Variants in NEDD4L observed in about 807,000 individuals in gnomAD.
NEDD4L encodes NEDD4 like E3 ubiquitin protein ligase.
A neutral mutation model predicts 148.9 loss-of-function variants in NEDD4L; 54 were observed. The observed-to-expected ratio is 0.36, with a 90% CI of 0.29 to 0.45. The LOEUF (loss-of-function observed/expected upper bound fraction) is 0.45, where lower values mean the gene tolerates loss of function less well. Among genes scored for constraint, NEDD4L ranks in the 20% least tolerant of loss-of-function variants. The pLI is 1.00. For missense variants in NEDD4L, 856 were observed against 1,233.8 expected (o/e 0.69, Z 4.59); for synonymous variants, 433 against 440.7 (o/e 0.98, Z 0.22).
At chr18:58,168,817 G>A (rs1031150167) in intron 2 of NEDD4L, among the ~76,000 whole-genome samples, 4 of 152,210 alleles carry the variant, frequency 2.6e-5, no homozygotes, top group Non-Finnish European at 2.9e-5. Context: ...AGACAATGAT[G>A]TTTTTAAAAT....
At chr18:58,331,361 G>A (rs992207607) in intron 11 of NEDD4L, among the ~76,000 whole-genome samples, 3 of 152,090 alleles carry the variant, frequency 2.0e-5, no homozygotes, top group Non-Finnish European at 2.9e-5. Context: ...TTCTCATTTC[G>A]CTGATAAGGG....
chr18:58,072,868 G>T (rs990303108), intron 1 of NEDD4L, among the ~76,000 whole-genome samples: 1 of 115,808 alleles, frequency 8.6e-6, no homozygotes, highest in East Asian at 2.0e-4. Flanking sequence ...GCGCGCGCGC[G>T]CGCGCACACA....
chr18:58,073,756 A>C (rs2144951211), intron 1 of NEDD4L, among the ~76,000 whole-genome samples: 1 of 152,260 alleles, frequency 6.6e-6, no homozygotes, highest in African/African-American at 2.4e-5. Flanking sequence ...GGGATGATGA[A>C]ATTTTCTGTG....
At chr18:58,381,475 G>T (rs143564891) in intron 24 of NEDD4L, among the ~76,000 whole-genome samples, 16 of 152,300 alleles carry the variant, frequency 1.1e-4, no homozygotes, top group African/African-American at 3.6e-4. Flanking sequence ...ATGAATGCTG[G>T]AAGGAGTGTA....
At chr18:58,250,779 A>T (rs1273425648) in intron 4 of NEDD4L, among the ~76,000 whole-genome samples, 1 of 152,140 alleles carries the variant, frequency 6.6e-6, no homozygotes, top group East Asian at 1.9e-4. Flanking sequence ...TATCTCTCAC[A>T]TAGGAGAGAG....
At chr18:58,187,118 A>C (rs1312701220) in intron 2 of NEDD4L, among the ~76,000 whole-genome samples, 1 of 152,232 alleles carries the variant, frequency 6.6e-6, no homozygotes, top group Non-Finnish European at 1.5e-5. Context: ...AGCCTAGTGC[A>C]CAGGCTTTTC....
intron 19 of NEDD4L, among the ~76,000 whole-genome samples, chr18:58,359,359 T>G (rs1237108539): frequency 6.6e-6 from 1 of 152,240 alleles, no homozygotes; most frequent in Non-Finnish European, 1.5e-5. Context: ...GCTCTCACAT[T>G]AAACTGTGTA....
chr18:58,138,465 G>A (rs189224856), intron 1 of NEDD4L, among the ~76,000 whole-genome samples: 8 of 150,410 alleles, frequency 5.3e-5, no homozygotes. Flanking sequence ...TGAAAGACAA[G>A]CCATTTTAGT....
intron 5 of NEDD4L, among the ~76,000 whole-genome samples, chr18:58,289,056 G>T (rs1321826598): frequency 5.3e-5 from 8 of 152,156 alleles, no homozygotes; most frequent in African/African-American, 9.7e-5. Context: ...AAGTCAATCT[G>T]CATATTACTT....
chr18:58,084,185 A>T lies in NEDD4L; in HGVS notation c.48+39477A>T, dbSNP rs138403021. ...CATATTCCACATATTGTGTGATTAT[A>T]TGGAATGTTTGGAACAGGCAAATCC... On this transcript the variant is annotated intron_variant, in intron 1 of 30. Transcript: ENST00000400345. 2.0e-5 allele frequency among the ~76,000 whole-genome samples: 3 copies of T among 152,368 alleles called. No individual in the cohort carries two copies. In the South Asian group the frequency reaches 6.2e-4, roughly 32 times the overall value.
At chr18:58,387,622 T>C in intron 27 of NEDD4L, 124 bp downstream of exon 27, 1 of 1,101,744 alleles carries the variant, frequency 9.1e-7, no homozygotes, top group Non-Finnish European at 1.2e-6. Flanking sequence ...AGATGAATTA[T>C]ATTACATGTC....
At chr18:58,264,349 G>A (rs937027446) in intron 5 of NEDD4L, among the ~76,000 whole-genome samples, 2 of 152,006 alleles carry the variant, frequency 1.3e-5, no homozygotes, top group Non-Finnish European at 1.5e-5. Flanking sequence ...TCTGCAGTAT[G>A]GCATTTTTCT....
intron 14 of NEDD4L, 22 bp from the exon 15 acceptor site, chr18:58,341,656 C>T (rs1298564346): frequency 1.2e-6 from 2 of 1,607,300 alleles, no homozygotes; most frequent in South Asian, 1.1e-5. Context: ...ATGAAGCTAA[C>T]TTGTTTTTGC....
At chr18:58,103,951 A>G (rs1222478683) in intron 1 of NEDD4L, among the ~76,000 whole-genome samples, 1 of 152,272 alleles carries the variant, frequency 6.6e-6, no homozygotes, top group Admixed American at 6.5e-5. Context: ...ATTTCCCAGC[A>G]TAGAAAATGC....
intron 1 of NEDD4L, among the ~76,000 whole-genome samples, chr18:58,089,258 C>T (rs942049315): frequency 8.6e-5 from 13 of 151,244 alleles, no homozygotes; most frequent in African/African-American, 2.9e-4. Flanking sequence ...CTCAGCCTCC[C>T]GAGTAGGTGG....
At chr18:58,163,904 C>T (rs959733383) in intron 1 of NEDD4L, among the ~76,000 whole-genome samples, 14 of 151,822 alleles carry the variant, frequency 9.2e-5, no homozygotes, top group Admixed American at 2.0e-4. Flanking sequence ...TTGTTCTCTT[C>T]GACATTCTAT....
chr18:58,170,356 A>G (rs12955988), intron 2 of NEDD4L, among the ~76,000 whole-genome samples: 2,067 of 111,138 alleles, frequency 0.019, 13 homozygotes, highest in African/African-American at 0.067. Context: ...CCAGCCCAAG[A>G]GGACAGAACA....
intron 28 of NEDD4L, chr18:58,389,504 C>A: frequency 4.4e-6 from 1 of 228,738 alleles, no homozygotes; most frequent in Non-Finnish European, 8.5e-6. Flanking sequence ...AAATGGGGGG[C>A]TTCTCAGGGC....
At chr18:58,238,202 C>T (rs1244957168) in intron 2 of NEDD4L, among the ~76,000 whole-genome samples, 4 of 152,178 alleles carry the variant, frequency 2.6e-5, no homozygotes, top group Non-Finnish European at 5.9e-5. Flanking sequence ...AACTATGCTT[C>T]ATACCTTTCA....
Sources: allele counts gnomAD v4.1 joint callset (sites outside exome capture counted in the v4.1 genomes callset), GRCh38; gene constraint gnomAD v4.1.1; transcripts MANE v1.5; gene names NCBI Gene and HGNC (gene_info 2026-07-23, HGNC 2026-07-21).